Variants in CNTNAP5 observed in about 807,000 individuals in gnomAD.
The protein encoded by CNTNAP5 is contactin-associated protein-like 5.
In CNTNAP5, 72 loss-of-function variants were observed where a neutral mutation model predicts 150.2. The ratio of observed to expected loss-of-function variants is 0.48; its 90% CI spans 0.40 to 0.58. The LOEUF (loss-of-function observed/expected upper bound fraction) is 0.58. CNTNAP5 is among the 20% of genes least tolerant of loss of function. CNTNAP5 has a pLI of 0.00. For synonymous variants in CNTNAP5, 672 were observed against 619.8 expected (o/e 1.08, Z -1.25); for missense variants, 1,636 against 1,626.2 (o/e 1.01, Z -0.10).
chr2:124,487,906 C>A (rs1429393710), intron 7 of CNTNAP5, among the ~76,000 whole-genome samples: 1 of 151,992 alleles, frequency 6.6e-6, no homozygotes, highest in Non-Finnish European at 1.5e-5. Flanking sequence ...TTTTGCAACC[C>A]TCATGCACAC....
chr2:124,234,811 G>T (rs768649729), intron 2 of CNTNAP5, among the ~76,000 whole-genome samples: 4 of 152,170 alleles, frequency 2.6e-5, no homozygotes, highest in Non-Finnish European at 5.9e-5. Flanking sequence ...CAGCAAAACT[G>T]TCTTGAGTAC....
At chr2:124,198,204 CT>C (rs979702650) in intron 1 of CNTNAP5, among the ~76,000 whole-genome samples, 2 of 151,090 alleles carry the variant, frequency 1.3e-5, no homozygotes, top group East Asian at 3.9e-4. Flanking sequence ...TTAAGTTTGT[CT>C]TCAGATATTT....
chr2:124,078,679 A>G (rs967112325), intron 1 of CNTNAP5, among the ~76,000 whole-genome samples: 1 of 152,158 alleles, frequency 6.6e-6, no homozygotes, highest in African/African-American at 2.4e-5. Flanking sequence ...AATCCTCAAA[A>G]CCACTGTTAT....
At chr2:124,306,288 C>A (rs1688688589) in intron 3 of CNTNAP5, among the ~76,000 whole-genome samples, 1 of 152,214 alleles carries the variant, frequency 6.6e-6, no homozygotes. Context: ...GCCACCCTTT[C>A]TGCCTCTCAC....
Position 124,866,716 on chromosome 2 carries a change from G to A in CNTNAP5, c.3348+1280G>A, listed in dbSNP as rs80117268. 1.7e-4 allele frequency among the ~76,000 whole-genome samples: 26 copies of A among 152,256 alleles called. No homozygotes were observed. The East Asian group carries it at 4.7e-3, about 27-fold the overall frequency. The stretch of plus-strand genomic sequence containing the variant: ...CAGCAGATGATGGCAGAGCCCAACA[G>A]AGAATAGACAGAGTCCAGATCATCC... On this transcript the variant is annotated intron_variant, in intron 20 of 23. Transcript: ENST00000682447.
Position 124,789,943 on chromosome 2 carries a change from C to G in CNTNAP5, c.2794C>G (p.Arg932Gly), listed in dbSNP as rs753927655. 1 of 1,613,714 alleles carries G rather than the reference C, an allele frequency of 6.2e-7. No homozygotes were observed. Among genetic ancestry groups the G allele is most frequent in the Non-Finnish European group, 8.5e-7 (1 of 1,179,662 alleles). Residue 932 changes from arginine to glycine, a missense_variant, in exon 18 of 24, where the codon CGC (arginine) becomes GGC (glycine). Transcript: ENST00000682447. ...ACAGAAAGGCTTCCTAGGATGCATT[C>G]GCTCCTTACACTTGAATGGACAGAA... The part of the protein sequence containing the change: ...SRQKGFLGCI[R>G]SLHLNGQKMD...
chr2:124,350,085 T>G (rs1689839778), intron 3 of CNTNAP5, among the ~76,000 whole-genome samples: 1 of 151,906 alleles, frequency 6.6e-6, no homozygotes, highest in South Asian at 2.1e-4. Flanking sequence ...GTTTTCACCA[T>G]TTTGACCAGG....
At chr2:124,245,456 C>T (rs1185588500) in intron 3 of CNTNAP5, among the ~76,000 whole-genome samples, 1 of 151,910 alleles carries the variant, frequency 6.6e-6, no homozygotes, top group Non-Finnish European at 1.5e-5. Flanking sequence ...AATAGTCAAA[C>T]AAAAGGTTTT....
chr2:124,601,762 T>C (rs1696990520), intron 11 of CNTNAP5, among the ~76,000 whole-genome samples: 1 of 152,190 alleles, frequency 6.6e-6, no homozygotes, highest in Admixed American at 6.5e-5. Context: ...ACAACCCAAA[T>C]GTTCTTCAGT....
intron 3 of CNTNAP5, among the ~76,000 whole-genome samples, chr2:124,343,730 T>A (rs1689672049): frequency 6.6e-6 from 1 of 152,164 alleles, no homozygotes; most frequent in African/African-American, 2.4e-5. Context: ...CTCTCCTCTC[T>A]CTTTTGAGAG....
chr2:124,542,956 C>A (rs1441832541), intron 10 of CNTNAP5, among the ~76,000 whole-genome samples: 2 of 152,190 alleles, frequency 1.3e-5, no homozygotes, highest in Admixed American at 6.5e-5. Context: ...ACTTGATAAT[C>A]TTTAATGTCA....
At chr2:124,386,636 C>A (rs1433530500) in intron 3 of CNTNAP5, among the ~76,000 whole-genome samples, 1 of 152,216 alleles carries the variant, frequency 6.6e-6, no homozygotes, top group Non-Finnish European at 1.5e-5. Context: ...TTCTGACCTT[C>A]CCTTTCACCT....
At chr2:124,362,401 T>G (rs1690237866) in intron 3 of CNTNAP5, among the ~76,000 whole-genome samples, 1 of 152,236 alleles carries the variant, frequency 6.6e-6, no homozygotes, top group East Asian at 1.9e-4. Context: ...ATATATCGAC[T>G]AAGTATTGTT....
intron 10 of CNTNAP5, among the ~76,000 whole-genome samples, chr2:124,533,477 C>G (rs1695159373): frequency 6.6e-6 from 1 of 152,144 alleles, no homozygotes; most frequent in Non-Finnish European, 1.5e-5. Flanking sequence ...AGCTTCTGCT[C>G]CTGGAGGACG....
At chr2:124,226,473 G>T (rs1178081739) in intron 2 of CNTNAP5, among the ~76,000 whole-genome samples, 1 of 152,048 alleles carries the variant, frequency 6.6e-6, no homozygotes, top group African/African-American at 2.4e-5. Flanking sequence ...CTACTGAGTT[G>T]TACTTGTTCT....
At chr2:124,132,920 C>A (rs556921897) in intron 1 of CNTNAP5, among the ~76,000 whole-genome samples, 1 of 152,232 alleles carries the variant, frequency 6.6e-6, no homozygotes, top group African/African-American at 2.4e-5. Flanking sequence ...ACTCCTCGCA[C>A]CTCTGTCTAA....
intron 14 of CNTNAP5, among the ~76,000 whole-genome samples, chr2:124,755,349 A>G (rs1680816945): frequency 6.6e-6 from 1 of 152,196 alleles, no homozygotes; most frequent in Non-Finnish European, 1.5e-5. Context: ...ACTCAAAGTC[A>G]TTATAGGGAT....
At chr2:124,154,686 C>T (rs1179534250) in intron 1 of CNTNAP5, among the ~76,000 whole-genome samples, 1 of 152,132 alleles carries the variant, frequency 6.6e-6, no homozygotes, top group Non-Finnish European at 1.5e-5. Flanking sequence ...CTACCCAGCT[C>T]AGAGCAGATC....
At chr2:124,812,880 T>C (rs1682267809) in intron 19 of CNTNAP5, among the ~76,000 whole-genome samples, 1 of 152,160 alleles carries the variant, frequency 6.6e-6, no homozygotes, top group East Asian at 1.9e-4. Context: ...TCGTGATCTA[T>C]GATCACTCAT....
Sources: gnomAD v4.1 joint callset for allele counts (sites outside exome capture counted in the v4.1 genomes callset) on GRCh38, gnomAD v4.1.1 for gene constraint, MANE v1.5 for transcripts, NCBI Gene and HGNC (gene_info 2026-07-23, HGNC 2026-07-21) for gene names.